Variants in ABTB3 observed in about 807,000 individuals in gnomAD.
ABTB3 encodes the protein ankyrin repeat and BTB domain containing 3.
At chr12:107,430,537 G>C in the ABTB3 span, among the ~76,000 whole-genome samples, 1 of 152,164 alleles carries the variant, frequency 6.6e-6, no homozygotes, top group African/African-American at 2.4e-5. Context: ...ATATAATCAT[G>C]ATTTGGGCCC....
At chr12:107,556,851 A>C in the ABTB3 span, among the ~76,000 whole-genome samples, 1 of 151,974 alleles carries the variant, frequency 6.6e-6, no homozygotes, top group African/African-American at 2.4e-5. Context: ...ATCTCTACTA[A>C]AAATACAAAA....
chr12:107,509,067 C>T, the ABTB3 span, among the ~76,000 whole-genome samples: 23 of 152,226 alleles, frequency 1.5e-4, no homozygotes, highest in South Asian at 4.4e-3. Context: ...AGCAGGTGTT[C>T]ACAAGTCCTG....
the ABTB3 span, among the ~76,000 whole-genome samples, chr12:107,474,742 A>AGTAAGTGTGG: frequency 3.4e-4 from 51 of 152,210 alleles, no homozygotes; most frequent in African/African-American, 1.2e-3. Context: ...ACATTTTACC[A>AGTAAGTGTGG]ACCTTTAGCA....
At chr12:107,559,611 C>T in the ABTB3 span, among the ~76,000 whole-genome samples, 3 of 152,154 alleles carry the variant, frequency 2.0e-5, no homozygotes, top group Admixed American at 1.3e-4. Context: ...GCTGCCAGCA[C>T]GCAGCTGGTT....
the ABTB3 span, among the ~76,000 whole-genome samples, chr12:107,523,810 T>G: frequency 2.0e-5 from 3 of 152,198 alleles, no homozygotes; most frequent in South Asian, 6.2e-4. Context: ...CTTCAATGTT[T>G]TCCAGGACAT....
chr12:107,415,458 G>C, the ABTB3 span, among the ~76,000 whole-genome samples: 3 of 151,898 alleles, frequency 2.0e-5, no homozygotes, highest in Non-Finnish European at 4.4e-5. Flanking sequence ...CCTGTAATCC[G>C]AGCACTTTGG....
the ABTB3 span, among the ~76,000 whole-genome samples, chr12:107,400,580 G>A: frequency 2.0e-5 from 3 of 152,174 alleles, no homozygotes; most frequent in Admixed American, 6.5e-5. Flanking sequence ...CTGTACAATG[G>A]GAATTGTAAT....
chr12:107,349,162 G>T, the ABTB3 span, among the ~76,000 whole-genome samples: 7 of 152,208 alleles, frequency 4.6e-5, no homozygotes, highest in Non-Finnish European at 1.0e-4. Flanking sequence ...TTGAGCTCTG[G>T]AGAGGTAGCT....
the ABTB3 span, among the ~76,000 whole-genome samples, chr12:107,500,626 C>T: frequency 1.3e-5 from 2 of 152,208 alleles, no homozygotes; most frequent in African/African-American, 4.8e-5. Flanking sequence ...TCCTCCCTGC[C>T]CTGCTCAGGC....
the ABTB3 span, among the ~76,000 whole-genome samples, chr12:107,416,199 A>C: frequency 2.0e-5 from 3 of 152,216 alleles, no homozygotes; most frequent in African/African-American, 7.2e-5. Flanking sequence ...TTGTTGAAGG[A>C]GAAAGGAGGC....
chr12:107,476,349 C>T, the ABTB3 span, among the ~76,000 whole-genome samples: 3 of 152,048 alleles, frequency 2.0e-5, no homozygotes, highest in Admixed American at 6.6e-5. Context: ...TTGCCAAAGC[C>T]GAAGGTGAGC....
the ABTB3 span, among the ~76,000 whole-genome samples, chr12:107,568,798 CT>C: frequency 2.0e-5 from 3 of 151,890 alleles, no homozygotes; most frequent in Non-Finnish European, 4.4e-5. Flanking sequence ...TTTCTGCAGT[CT>C]CCTAACGCCA....
At chr12:107,583,151 G>A in the ABTB3 span, among the ~76,000 whole-genome samples, 2 of 152,190 alleles carry the variant, frequency 1.3e-5, no homozygotes, top group Non-Finnish European at 2.9e-5. Context: ...GCTCTGCTTA[G>A]AGGTTGGTGT....
chr12:107,582,650 G>A, the ABTB3 span, among the ~76,000 whole-genome samples: 7 of 152,218 alleles, frequency 4.6e-5, no homozygotes, highest in African/African-American at 1.2e-4. Flanking sequence ...GCATCATGAG[G>A]TTGGCATAAT....
At chr12:107,470,006 T>TTCTCTCTCTCTCTCTCTCTCTCTC in the ABTB3 span, among the ~76,000 whole-genome samples, 1 of 47,222 alleles carries the variant, frequency 2.1e-5, no homozygotes, top group African/African-American at 1.3e-4. Flanking sequence ...CTTTCTTTCT[T>TTCTCTCTCTCTCTCTCTCTCTCTC]TCTTTCTCTC....
chr12:107,342,780 G>C, the ABTB3 span, among the ~76,000 whole-genome samples: 1 of 152,108 alleles, frequency 6.6e-6, no homozygotes, highest in African/African-American at 2.4e-5. Flanking sequence ...TTCCCCTGCT[G>C]TCAGCTTCAC....
At chr12:107,601,923 G>A in the ABTB3 span, among the ~76,000 whole-genome samples, 1 of 152,168 alleles carries the variant, frequency 6.6e-6, no homozygotes, top group African/African-American at 2.4e-5. Flanking sequence ...GCTGTGCCAG[G>A]TTGCCTGGTG....
the ABTB3 span, among the ~76,000 whole-genome samples, chr12:107,626,343 C>CTTTTTTTTTTTTTTTTTTT: frequency 3.2e-4 from 36 of 112,508 alleles, 1 homozygote; most frequent in East Asian, 3.3e-3. Flanking sequence ...CTATCGTCAT[C>CTTTTTTTTTTTTTTTTTTT]TTTTTTTTTT....
chr12:107,367,039 C>T, the ABTB3 span, among the ~76,000 whole-genome samples: 2 of 152,202 alleles, frequency 1.3e-5, no homozygotes, highest in African/African-American at 4.8e-5. Context: ...CCAACCACTC[C>T]CCAAATAGTT....
Sources: gnomAD v4.1 joint callset for allele counts (sites outside exome capture counted in the v4.1 genomes callset) on GRCh38, gnomAD v4.1.1 for gene constraint, MANE v1.5 for transcripts, NCBI Gene and HGNC (gene_info 2026-07-23, HGNC 2026-07-21) for gene names.